The following LARGE1 variants were observed in gnomAD, a reference collection of about 807,000 sequenced individuals.
LARGE1 encodes LARGE xylosyl- and glucuronyltransferase 1, also known as xylosyl- and glucuronyltransferase LARGE1.
LARGE1 carries 43 observed loss-of-function variants against 87.6 expected under a neutral mutation model. That is an observed-to-expected ratio of 0.49 (90% CI 0.38 to 0.63). The LOEUF (loss-of-function observed/expected upper bound fraction) is 0.63. LARGE1 is among the 30% of genes least tolerant of loss of function. The pLI is 0.00. For missense variants in LARGE1, 802 were observed against 1,000.2 expected, an observed-to-expected ratio of 0.80 and a Z score of 2.67; for synonymous variants, 434 against 394.6, an observed-to-expected ratio of 1.10 and a Z score of -1.18.
At position 33,626,315 on chromosome 22, in the gene LARGE1, A is replaced by G; in HGVS notation, c.420T>C (p.Val140=). 1 of 1,613,848 alleles carries G rather than the reference A, an allele frequency of 6.2e-7. No homozygotes were observed. The highest frequency in any genetic ancestry group is 8.5e-7 in the Non-Finnish European group (1 of 1,179,770). The change falls in exon 4 of 15, where the codon GTT becomes GTC. Residue 140 remains valine, a synonymous_variant. Transcript: ENST00000397394. Reference sequence around the variant, plus strand: ...CATTGTATCCGGCGCAGACAATAGCAACGTGGATTGTCTGGGAAGAAAAGA... The same window carrying G: ...CATTGTATCCGGCGCAGACAATAGCGACGTGGATTGTCTGGGAAGAAAAGA... The part of the protein sequence containing the change: ...PVVEKCETIH[V]AIVCAGYNAS...
intron 1 of LARGE1, among the ~76,000 whole-genome samples, chr22:33,913,909 C>T (rs1157808777): frequency 3.3e-5 from 5 of 152,102 alleles, no homozygotes; most frequent in Non-Finnish European, 7.4e-5. Flanking sequence ...TGATTGTGTT[C>T]ATCAAATAAT....
intron 6 of LARGE1, among the ~76,000 whole-genome samples, chr22:33,488,473 A>G (rs945631463): frequency 1.3e-5 from 2 of 152,226 alleles, no homozygotes; most frequent in African/African-American, 2.4e-5. Flanking sequence ...TTCATGGTTA[A>G]CAGAGTGAGG....
the LARGE1 span, among the ~76,000 whole-genome samples, chr22:33,075,077 C>T: frequency 2.0e-5 from 3 of 152,288 alleles, no homozygotes; most frequent in East Asian, 1.9e-4. Context: ...AGTGTTATAG[C>T]CTGAACTATT....
chr22:33,591,188 A>C (rs2078830368), intron 5 of LARGE1, among the ~76,000 whole-genome samples: 1 of 152,240 alleles, frequency 6.6e-6, no homozygotes, highest in Non-Finnish European at 1.5e-5. Flanking sequence ...GCAAAGAGTG[A>C]GACTCTGCCT....
chr22:33,465,672 G>GCGAGGGAAGGAAC (rs2068577985), intron 6 of LARGE1, among the ~76,000 whole-genome samples: 1 of 152,188 alleles, frequency 6.6e-6, no homozygotes, highest in African/African-American at 2.4e-5. Context: ...TGTGAAGCCA[G>GCGAGGGAAGGAAC]CGAGGGAAGG....
intron 4 of LARGE1, among the ~76,000 whole-genome samples, chr22:33,625,756 T>G (rs2079901695): frequency 6.6e-6 from 1 of 152,198 alleles, no homozygotes; most frequent in South Asian, 2.1e-4. Flanking sequence ...TCCTCTTTTT[T>G]TTAAAGGACA....
chr22:33,226,504 A>T (rs1925740876), intron 11 of LARGE1, among the ~76,000 whole-genome samples: 1 of 152,190 alleles, frequency 6.6e-6, no homozygotes, highest in Non-Finnish European at 1.5e-5. Flanking sequence ...TCCTGTCACC[A>T]GGACCTAAAG....
chr22:33,806,443 T>C (rs2086312076), intron 1 of LARGE1, among the ~76,000 whole-genome samples: 1 of 152,178 alleles, frequency 6.6e-6, no homozygotes, highest in Non-Finnish European at 1.5e-5. Context: ...GTTTACAGGA[T>C]CTTCTGCAGG....
intron 3 of LARGE1, among the ~76,000 whole-genome samples, chr22:33,627,501 G>A (rs2079959877): frequency 2.6e-5 from 4 of 152,210 alleles, no homozygotes; most frequent in African/African-American, 9.7e-5. Flanking sequence ...GAGGGGACCT[G>A]AGAGATGCCT....
At chr22:33,322,768 CAGTGTATAA>C (rs1022479206) in intron 10 of LARGE1, 19 of 152,288 alleles carry the variant, frequency 1.2e-4, no homozygotes, top group Admixed American at 1.2e-3. Context: ...GCCCTTGCTG[CAGTGTATAA>C]AGGGTATTAT....
At chr22:33,278,668 G>A (rs1399726976) in intron 13 of LARGE1, among the ~76,000 whole-genome samples, 2 of 151,970 alleles carry the variant, frequency 1.3e-5, no homozygotes, top group East Asian at 3.9e-4. Flanking sequence ...ATTCAAACCC[G>A]GGAAGCCTTG....
intron 6 of LARGE1, among the ~76,000 whole-genome samples, chr22:33,484,836 T>C (rs1207296956): frequency 6.6e-6 from 1 of 152,084 alleles, no homozygotes; most frequent in Non-Finnish European, 1.5e-5. Flanking sequence ...TTTGTGACAC[T>C]ATTGCCACAA....
chr22:33,764,468 T>C (rs1383421786), intron 1 of LARGE1, among the ~76,000 whole-genome samples: 9 of 152,218 alleles, frequency 5.9e-5, no homozygotes, highest in Non-Finnish European at 1.2e-4. Context: ...TAATACCTAA[T>C]GCAGGCCGGG....
chr22:33,591,021 C>T (rs1380978878), intron 5 of LARGE1, among the ~76,000 whole-genome samples: 1 of 152,008 alleles, frequency 6.6e-6, no homozygotes, highest in African/African-American at 2.4e-5. Context: ...GCCAATATGG[C>T]AAAACCCCGT....
At chr22:33,745,628 G>A (rs1278921642) in intron 2 of LARGE1, among the ~76,000 whole-genome samples, 1 of 152,204 alleles carries the variant, frequency 6.6e-6, no homozygotes. Flanking sequence ...TCTAGGAAAG[G>A]AAAGGCGAGG....
rs985654114 is a variant in LARGE1 at position 33,650,477 on chromosome 22, T to C, written c.298A>G (p.Lys100Glu). 6.2e-7 allele frequency: 1 copy of C among 1,613,800 alleles called. No homozygotes were observed. Among genetic ancestry groups the C allele is most frequent in the African/African-American group, 1.3e-5 (1 of 74,918 alleles). The stretch of plus-strand genomic sequence containing the variant: ...GTGCCCTCCTCCATGGAGTAGGTCT[T>C]GGAGTGGTTGCCTCGGCGATGGGAT... Reference protein sequence around the residue: ...APSHRRGNHSKTYSMEEGTGD... With the variant: ...APSHRRGNHSETYSMEEGTGD... The change falls in exon 3 of 15, where the codon AAG becomes GAG. Residue 100 changes from lysine (K) to glutamate (E), a missense_variant. By Grantham distance (56) the Lys-to-Glu change is moderately conservative. Transcript: ENST00000397394.
intron 1 of LARGE1, among the ~76,000 whole-genome samples, chr22:33,810,028 C>A (rs1339746359): frequency 6.6e-6 from 1 of 151,966 alleles, no homozygotes; most frequent in Non-Finnish European, 1.5e-5. Context: ...CAGGAGAGCA[C>A]AGAAAAAAAA....
chr22:33,392,142 ACG>A (rs2065551356), intron 7 of LARGE1, among the ~76,000 whole-genome samples: 1 of 135,792 alleles, frequency 7.4e-6, no homozygotes, highest in African/African-American at 3.3e-5. Flanking sequence ...CTGGGAACAC[ACG>A]CTTCTTCTTT....
At chr22:33,760,423 T>A (rs964610500) in intron 2 of LARGE1, among the ~76,000 whole-genome samples, 3 of 152,144 alleles carry the variant, frequency 2.0e-5, no homozygotes, top group African/African-American at 7.2e-5. Context: ...CGGCCCCTCA[T>A]GTAACTGATC....
Sources: gnomAD v4.1 joint callset for allele counts (sites outside exome capture counted in the v4.1 genomes callset) on GRCh38, gnomAD v4.1.1 for gene constraint, MANE v1.5 for transcripts, NCBI Gene and HGNC (gene_info 2026-07-23, HGNC 2026-07-21) for gene names.